CDH13: variants seen among roughly 807,000 people sequenced by gnomAD.
CDH13 encodes the protein cadherin-13.
CDH13 carries 24 observed loss-of-function variants against 63.8 expected under a neutral mutation model. The observed-to-expected ratio is 0.38, with a 90% CI of 0.27 to 0.53. CDH13 has a LOEUF of 0.53. Ranked by LOEUF, CDH13 falls within the 20% of genes least tolerant of loss-of-function variation. The probability of loss-of-function intolerance (pLI) is 0.85; values close to 1 mark genes in which losing one functional copy is unlikely to be tolerated. For missense variants in CDH13, 1,049 were observed against 903.1 expected (o/e 1.16, Z -2.07); for synonymous variants, 503 against 355.3 (o/e 1.42, Z -4.67).
At chr16:82,836,440 G>A (rs1007365184) in intron 1 of CDH13, among the ~76,000 whole-genome samples, 12 of 152,140 alleles carry the variant, frequency 7.9e-5, no homozygotes, top group Admixed American at 6.5e-4. Context: ...ATGAGCCGCT[G>A]TGCCTGGCCA....
At position 83,800,212 on chromosome 16, in the gene CDH13, T is replaced by A. The variant is rs1904310981; in HGVS notation, c.*5182T>A. ...GCTATGAAGATTTGGAGAAAGGGGC[T>A]TATAGAAGCACTATGAAAATAAACT... On this transcript the variant is annotated 3_prime_UTR_variant, in exon 14 of 14. Transcript: ENST00000567109. The A allele has an allele frequency of 6.6e-6, 1 of 152,180 alleles. No individual in the cohort carries two copies. Among genetic ancestry groups the A allele is most frequent in the Non-Finnish European group, 1.5e-5 (1 of 68,030 alleles). 9.4% of individuals were successfully genotyped at this position (152,180 alleles called of 1,614,324 possible). A position where few individuals can be genotyped will look rare whatever the true frequency, so the allele number is the denominator to read the frequency against.
intron 1 of CDH13, among the ~76,000 whole-genome samples, chr16:82,684,705 A>G (rs1914887820): frequency 6.6e-6 from 1 of 152,034 alleles, no homozygotes; most frequent in Non-Finnish European, 1.5e-5. Context: ...CTTTTTCCAA[A>G]TGATTGAGTG....
intron 7 of CDH13, among the ~76,000 whole-genome samples, chr16:83,512,358 AAATAAATAAAT>A (rs2074590871): frequency 6.9e-6 from 1 of 144,648 alleles, no homozygotes; most frequent in African/African-American, 2.5e-5. Flanking sequence ...ATAAATAAAT[AAATAAATAAAT>A]AAAATAAAAA....
Position 83,678,303 on chromosome 16 carries a change from C to T in CDH13, c.1380C>T (p.Ser460=), listed in dbSNP as rs1406630336. The T allele has an allele frequency of 6.2e-7, 1 of 1,613,892 alleles. No homozygotes were observed. Among genetic ancestry groups the T allele is most frequent in the East Asian group, 2.2e-5 (1 of 44,882 alleles). ...CCGACGTCTCCTACGGCCCCAGCTC[C>T]ACAGCCACCGTCCACATCACTGTCC... ...LVPDVSYGPS[S]TATVHITVLD... Residue 460 remains serine (S), a synonymous_variant, in exon 10 of 14, where the codon TCC becomes TCT. Coordinates refer to ENST00000567109, the MANE Select transcript of CDH13 (RefSeq NM_001257.5).
chr16:82,816,067 G>A (rs948103474), intron 1 of CDH13, among the ~76,000 whole-genome samples: 1 of 152,126 alleles, frequency 6.6e-6, no homozygotes, highest in African/African-American at 2.4e-5. Flanking sequence ...CTCAATTTTG[G>A]TGAAGCGAAG....
intron 4 of CDH13, among the ~76,000 whole-genome samples, chr16:83,199,158 C>A (rs535110422): frequency 7.2e-5 from 11 of 152,330 alleles, no homozygotes; most frequent in African/African-American, 2.6e-4. Flanking sequence ...TTGTGTGGCA[C>A]ACATATCTCA....
intron 1 of CDH13, among the ~76,000 whole-genome samples, chr16:82,666,587 TAAC>T (rs1912613003): frequency 2.0e-5 from 3 of 152,202 alleles, no homozygotes; most frequent in African/African-American, 7.2e-5. Context: ...ATGTCTGACA[TAAC>T]AACAACTACT....
chr16:83,420,040 T>A (rs1213151357), intron 6 of CDH13, among the ~76,000 whole-genome samples: 1 of 152,094 alleles, frequency 6.6e-6, no homozygotes, highest in Non-Finnish European at 1.5e-5. Flanking sequence ...TAGGCATCAG[T>A]TTTAAAGAAT....
chr16:83,125,978 C>T (rs1323336365), intron 4 of CDH13, among the ~76,000 whole-genome samples: 1 of 152,146 alleles, frequency 6.6e-6, no homozygotes, highest in Non-Finnish European at 1.5e-5. Context: ...ATATGGAAAA[C>T]ACTGTCCCAT....
At chr16:83,696,599 G>A (rs567620566) in intron 10 of CDH13, among the ~76,000 whole-genome samples, 2 of 152,162 alleles carry the variant, frequency 1.3e-5, no homozygotes, top group Non-Finnish European at 2.9e-5. Context: ...TTATAAAGAT[G>A]CAACATTTTA....
chr16:83,755,806 G>C (rs951927210), intron 11 of CDH13, among the ~76,000 whole-genome samples: 3 of 149,714 alleles, frequency 2.0e-5, no homozygotes, highest in African/African-American at 7.3e-5. Flanking sequence ...TTACTGAAGA[G>C]AATATTTCAG....
chr16:83,426,462 G>C (rs934907506), intron 6 of CDH13, among the ~76,000 whole-genome samples: 2 of 150,532 alleles, frequency 1.3e-5, no homozygotes, highest in African/African-American at 4.9e-5. Flanking sequence ...ATAACCTTTT[G>C]TTTCTCCCAA....
chr16:82,810,690 T>G (rs561345120), intron 1 of CDH13, among the ~76,000 whole-genome samples: 1 of 152,196 alleles, frequency 6.6e-6, no homozygotes, highest in African/African-American at 2.4e-5. Flanking sequence ...TTCAAGTACA[T>G]GGGATTGGGG....
At chr16:83,372,538 G>T (rs1683760109) in intron 6 of CDH13, among the ~76,000 whole-genome samples, 1 of 151,968 alleles carries the variant, frequency 6.6e-6, no homozygotes, top group Non-Finnish European at 1.5e-5. Flanking sequence ...TGGACCACGA[G>T]GTCAAGAGAT....
At chr16:83,115,040 C>G (rs538421023) in intron 3 of CDH13, among the ~76,000 whole-genome samples, 5 of 152,314 alleles carry the variant, frequency 3.3e-5, no homozygotes, top group African/African-American at 1.2e-4. Context: ...TTTGTTCTCT[C>G]TGGGAAAATG....
At position 83,178,864 on chromosome 16, in the gene CDH13, G is replaced by T. The variant is rs77472917; in HGVS notation, c.484-38481G>T. 2.0e-5 allele frequency among the ~76,000 whole-genome samples: 3 copies of T among 152,142 alleles called. No homozygotes were observed. The East Asian group carries it at 5.8e-4, about 29-fold the overall frequency. ...AATAGCCTGGCCTTGAATCCTCCCA[G>T]TGTTTGGTTCACTCTCCCCTAACTT... On this transcript the variant is annotated intron_variant, in intron 4 of 13. Transcript: ENST00000567109.
intron 11 of CDH13, among the ~76,000 whole-genome samples, chr16:83,759,493 G>A (rs182732606): frequency 6.4e-4 from 97 of 151,236 alleles, no homozygotes; most frequent in African/African-American, 1.8e-3. Context: ...AAAGCTTTTC[G>A]TAATTAGGAT....
chr16:83,191,841 G>A (rs1048544374), intron 4 of CDH13, among the ~76,000 whole-genome samples: 2 of 151,820 alleles, frequency 1.3e-5, no homozygotes, highest in Non-Finnish European at 2.9e-5. Context: ...ATTAAGGGTG[G>A]GTCTGCCTTT....
chr16:82,742,079 T>C (rs2033957470), intron 1 of CDH13, among the ~76,000 whole-genome samples: 3 of 151,892 alleles, frequency 2.0e-5, no homozygotes, highest in South Asian at 2.1e-4. Context: ...AGATATAACA[T>C]TGGGCCAAAA....
Sources: allele counts gnomAD v4.1 joint callset (sites outside exome capture counted in the v4.1 genomes callset), GRCh38; gene constraint gnomAD v4.1.1; transcripts MANE v1.5; gene names NCBI Gene and HGNC (gene_info 2026-07-23, HGNC 2026-07-21).